Variants in TMEM132D observed in about 807,000 individuals in gnomAD.
TMEM132D encodes transmembrane protein 132D, also known as mature OL transmembrane protein.
In TMEM132D, 21 loss-of-function variants were observed where a neutral mutation model predicts 62.3. The ratio of observed to expected loss-of-function variants is 0.34; its 90% CI spans 0.24 to 0.49. TMEM132D has a LOEUF of 0.49. TMEM132D is among the 20% of genes least tolerant of loss of function. The probability of loss-of-function intolerance (pLI) is 0.99; values close to 1 mark genes in which losing one functional copy is unlikely to be tolerated. For synonymous variants in TMEM132D, 621 were observed against 575.6 expected, an observed-to-expected ratio of 1.08 and a Z score of -1.13; for missense variants, 1,346 against 1,402.8, an observed-to-expected ratio of 0.96 and a Z score of 0.65.
chr12:129,608,129 G>A (rs923485666), intron 2 of TMEM132D, among the ~76,000 whole-genome samples: 25 of 152,186 alleles, frequency 1.6e-4, no homozygotes, highest in Admixed American at 7.2e-4. Flanking sequence ...AAGGAACAGC[G>A]AAGTGTGTTT....
chr12:129,161,655 T>C (rs1290583543), intron 5 of TMEM132D, among the ~76,000 whole-genome samples: 2 of 152,056 alleles, frequency 1.3e-5, no homozygotes, highest in African/African-American at 4.8e-5. Flanking sequence ...AGTTGGAGAG[T>C]CATTGAAATT....
intron 5 of TMEM132D, among the ~76,000 whole-genome samples, chr12:129,149,844 G>T (rs1225744515): frequency 6.6e-6 from 1 of 152,168 alleles, no homozygotes; most frequent in Non-Finnish European, 1.5e-5. Flanking sequence ...TAGAAAAGGA[G>T]TGAGACCAAG....
intron 3 of TMEM132D, among the ~76,000 whole-genome samples, chr12:129,463,061 G>A (rs1873734694): frequency 6.6e-6 from 1 of 152,152 alleles, no homozygotes; most frequent in East Asian, 1.9e-4. Context: ...CAGGAAAACT[G>A]AATCTAGACA....
intron 1 of TMEM132D, among the ~76,000 whole-genome samples, chr12:129,809,857 CTG>C (rs1025749703): frequency 2.6e-5 from 4 of 152,082 alleles, no homozygotes; most frequent in African/African-American, 9.7e-5. Context: ...ATAAAAAACC[CTG>C]TGTTAATAAA....
chr12:129,774,163 G>T (rs1237692778), intron 1 of TMEM132D, among the ~76,000 whole-genome samples: 1 of 152,174 alleles, frequency 6.6e-6, no homozygotes, highest in Non-Finnish European at 1.5e-5. Context: ...GCCTGACCAG[G>T]GGTGTGTCCC....
intron 1 of TMEM132D, among the ~76,000 whole-genome samples, chr12:129,792,772 A>AT (rs1398669231): frequency 1.3e-5 from 2 of 152,212 alleles, no homozygotes; most frequent in African/African-American, 2.4e-5. Context: ...AAGACTAAAA[A>AT]TTGAACAGAC....
chr12:129,720,722 A>T (rs1374401771), intron 1 of TMEM132D, among the ~76,000 whole-genome samples: 1 of 152,242 alleles, frequency 6.6e-6, no homozygotes, highest in African/African-American at 2.4e-5. Flanking sequence ...AGCAATGAAC[A>T]GAGAGAATCT....
chr12:129,163,931 GT>G (rs757252639), intron 5 of TMEM132D, among the ~76,000 whole-genome samples: 48 of 152,344 alleles, frequency 3.2e-4, no homozygotes, highest in Non-Finnish European at 6.6e-4. Flanking sequence ...ACACTGAGAT[GT>G]CCCAGCCGGA....
chr12:129,180,880 T>A (rs948665656), intron 5 of TMEM132D, among the ~76,000 whole-genome samples: 13 of 151,906 alleles, frequency 8.6e-5, no homozygotes, highest in African/African-American at 3.1e-4. Flanking sequence ...AGGGGCCAGA[T>A]GATACTGAGC....
intron 3 of TMEM132D, among the ~76,000 whole-genome samples, chr12:129,376,841 A>G (rs949769319): frequency 2.2e-4 from 34 of 152,330 alleles, no homozygotes; most frequent in African/African-American, 7.9e-4. Flanking sequence ...GAAAAACAGA[A>G]CTTAAGTTCA....
At chr12:129,489,329 CAAAG>C (rs951361815) in intron 3 of TMEM132D, among the ~76,000 whole-genome samples, 4 of 152,150 alleles carry the variant, frequency 2.6e-5, no homozygotes, top group African/African-American at 9.7e-5. Context: ...TTTCTGGTCT[CAAAG>C]AATCTATGGG....
chr12:129,822,958 G>T (rs918699691), intron 1 of TMEM132D, among the ~76,000 whole-genome samples: 43 of 152,172 alleles, frequency 2.8e-4, no homozygotes, highest in African/African-American at 1.0e-3. Context: ...CCAATGTTGG[G>T]GATGGGACCT....
intron 4 of TMEM132D, among the ~76,000 whole-genome samples, chr12:129,248,291 C>T (rs1445085786): frequency 6.6e-6 from 1 of 152,124 alleles, no homozygotes; most frequent in Non-Finnish European, 1.5e-5. Context: ...TCTGCTGATC[C>T]CACACTAATT....
chr12:129,505,179 T>C (rs1366347088), intron 3 of TMEM132D, among the ~76,000 whole-genome samples: 1 of 152,160 alleles, frequency 6.6e-6, no homozygotes, highest in Non-Finnish European at 1.5e-5. Context: ...GAACAGAATG[T>C]ATATTCTGTG....
At chr12:129,417,590 T>C (rs1030849759) in intron 3 of TMEM132D, among the ~76,000 whole-genome samples, 4 of 152,044 alleles carry the variant, frequency 2.6e-5, no homozygotes, top group Non-Finnish European at 5.9e-5. Flanking sequence ...CCTAAAACCA[T>C]AAAAACCCTA....
chr12:129,395,562 C>G (rs1871398684), intron 3 of TMEM132D, among the ~76,000 whole-genome samples: 1 of 151,914 alleles, frequency 6.6e-6, no homozygotes, highest in Non-Finnish European at 1.5e-5. Flanking sequence ...AATGTCCAGA[C>G]AGGCAAATGT....
intron 1 of TMEM132D, among the ~76,000 whole-genome samples, chr12:129,760,398 C>A (rs2137274480): frequency 7.4e-6 from 1 of 135,066 alleles, no homozygotes; most frequent in Non-Finnish European, 1.5e-5. Context: ...GTGGCGCGAT[C>A]TCGGCTCACT....
rs570635171 is a variant in TMEM132D, at chr12:129,876,131, C to A, written c.79+27130G>T. Among the ~76,000 whole-genome samples, 35 of 152,276 alleles carry A rather than the reference C, an allele frequency of 2.3e-4. No individual in the cohort carries two copies. In the East Asian group the frequency reaches 6.6e-3, roughly 29 times the overall value. ...AGAAACAAGACATATAAATAAAAAA[C>A]CTAAGGAAATCGACAGAAGGGAGGC... On this transcript the variant is annotated intron_variant, in intron 1 of 8. Transcript: ENST00000422113.
At chr12:129,141,724 T>G (rs1876744861) in intron 5 of TMEM132D, among the ~76,000 whole-genome samples, 2 of 151,932 alleles carry the variant, frequency 1.3e-5, no homozygotes, top group Admixed American at 6.6e-5. Flanking sequence ...GGTACACACA[T>G]GGACACAAAG....
Sources: allele counts gnomAD v4.1 joint callset (sites outside exome capture counted in the v4.1 genomes callset), GRCh38; gene constraint gnomAD v4.1.1; transcripts MANE v1.5; gene names NCBI Gene and HGNC (gene_info 2026-07-23, HGNC 2026-07-21).